SLC22A14: variants seen among roughly 807,000 people sequenced by gnomAD.
SLC22A14 encodes solute carrier family 22 member 14.
Under a neutral mutation model 53.9 loss-of-function variants are expected in SLC22A14, and 50 were observed. That is an observed-to-expected ratio of 0.93 (90% CI 0.74 to 1.17). The LOEUF (loss-of-function observed/expected upper bound fraction) is 1.17. Ranked by LOEUF, SLC22A14 falls within the 50% of genes most tolerant of loss-of-function variation. The pLI is 0.00. For missense variants in SLC22A14, 671 were observed against 734.7 expected, an observed-to-expected ratio of 0.91 and a Z score of 1.00; for synonymous variants, 312 against 303.0, an observed-to-expected ratio of 1.03 and a Z score of -0.31.
intron 10 of SLC22A14, among the ~76,000 whole-genome samples, chr3:38,317,010 G>A (rs1351672298): frequency 6.6e-6 from 1 of 152,224 alleles, no homozygotes; most frequent in Non-Finnish European, 1.5e-5. Context: ...TGGGAACTGG[G>A]TTCCACCCAA....
rs748791083 is a variant in SLC22A14, at chr3:38,313,833, C to T, written c.1270C>T (p.Arg424Trp). ...VVPSIMEVPA[R>W]LCCIFLLQQI... ...CCCCAGCATCATGGAGGTGCCTGCC[C>T]GGCTGTGCTGCATCTTTCTCCTCCA... The change falls in exon 8 of 11, where the codon CGG becomes TGG. Residue 424 changes from arginine to tryptophan, a missense_variant. By Grantham distance (101) the Arg-to-Trp change is moderately radical (BLOSUM62 -3). Coordinates refer to ENST00000448498, the MANE Select transcript of SLC22A14 (RefSeq NM_001320033.2). 2.3e-4 allele frequency: 375 copies of T among 1,613,898 alleles called. No homozygotes were observed. The highest frequency in any genetic ancestry group is 5.3e-4 in the East Asian group (24 of 44,884).
chr3:38,292,216 C>T (rs1359093423), intron 1 of SLC22A14, among the ~76,000 whole-genome samples: 1 of 152,140 alleles, frequency 6.6e-6, no homozygotes, highest in African/African-American at 2.4e-5. Context: ...TGGGCTAATG[C>T]CTGGCCAAAT....
chr3:38,287,110 C>CGT (rs142227069), intron 1 of SLC22A14, among the ~76,000 whole-genome samples: 14 of 150,272 alleles, frequency 9.3e-5, no homozygotes, highest in South Asian at 2.1e-4. Context: ...TGTGTGTGTG[C>CGT]GTGTGTGTGT....
intron 1 of SLC22A14, among the ~76,000 whole-genome samples, chr3:38,289,381 C>T (rs1703861253): frequency 6.6e-6 from 1 of 152,048 alleles, no homozygotes; most frequent in Non-Finnish European, 1.5e-5. Flanking sequence ...AGTCTGAGAT[C>T]CAATCCAGGA....
rs374879043 is a variant in SLC22A14 at position 38,313,889 on chromosome 3, G to A, written c.1326G>A (p.Val442=). 4.3e-6 allele frequency: 7 copies of A among 1,613,898 alleles called. No homozygotes were observed. Among genetic ancestry groups the A allele is most frequent in the Non-Finnish European group, 5.1e-6 (6 of 1,180,004 alleles). ...QQIGRKWSLA[V]TLLQAIIWCL... ...TTGGGAGGAAGTGGAGCCTGGCTGT[G>A]ACTCTCCTCCAAGCCATCATCTGGT... Residue 442 remains valine, a synonymous_variant, in exon 8 of 11, where the codon GTG becomes GTA. Transcript: ENST00000448498.
intron 1 of SLC22A14, among the ~76,000 whole-genome samples, chr3:38,292,084 CA>C (rs1404911407): frequency 1.3e-5 from 2 of 152,310 alleles, no homozygotes; most frequent in East Asian, 3.9e-4. Flanking sequence ...CCACAGGTGG[CA>C]AGGAAATTTA....
intron 9 of SLC22A14, 31 bp from the exon 10 acceptor site, chr3:38,316,293 C>A (rs1704615233): frequency 5.6e-6 from 9 of 1,607,778 alleles, no homozygotes; most frequent in Non-Finnish European, 7.7e-6. Context: ...CCCGGCAGAC[C>A]CCTCACAGGA....
At chr3:38,297,291 G>A (rs1021693110) in intron 1 of SLC22A14, among the ~76,000 whole-genome samples, 1 of 152,126 alleles carries the variant, frequency 6.6e-6, no homozygotes, top group Non-Finnish European at 1.5e-5. Flanking sequence ...GGGATTCTTA[G>A]TCAGCCTAGA....
intron 7 of SLC22A14, 77 bp downstream of exon 7, chr3:38,313,562 G>A: frequency 7.7e-6 from 9 of 1,169,146 alleles, no homozygotes; most frequent in African/African-American, 1.5e-5. Flanking sequence ...GATGGGAATG[G>A]TCAGGCTGCA....
chr3:38,315,565 T>TGGCCTCAGACTCAAGTGGCCACGTTGTCC lies in SLC22A14; in HGVS notation c.1391_1419dup (p.Thr474SerfsTer13). On this transcript the variant is annotated frameshift_variant, in exon 9 of 11. Coordinates refer to ENST00000448498, the MANE Select transcript of SLC22A14 (RefSeq NM_001320033.2). LOFTEE classifies it high-confidence loss of function. ...CTCCTTCACCCACCCCAGGGGAGGA[T>TGGCCTCAGACTCAAGTGGCCACGTTGTCC]GGCCTCAGACTCAAGTGGCCACGTT... 2 of 1,613,730 alleles carry TGGCCTCAGACTCAAGTGGCCACGTTGTCC rather than the reference T, an allele frequency of 1.2e-6. No individual in the cohort carries two copies. The highest frequency in any genetic ancestry group is 1.7e-6 in the Non-Finnish European group (2 of 1,179,850).
At chr3:38,296,614 T>C (rs1291559471) in intron 1 of SLC22A14, among the ~76,000 whole-genome samples, 3 of 151,638 alleles carry the variant, frequency 2.0e-5, no homozygotes, top group Non-Finnish European at 2.9e-5. Context: ...GGTGGCGGGC[T>C]GCTTCCAAGA....
chr3:38,283,345 C>G (rs1227817102), intron 1 of SLC22A14, among the ~76,000 whole-genome samples: 1 of 152,162 alleles, frequency 6.6e-6, no homozygotes, highest in African/African-American at 2.4e-5. Context: ...CCGGGGGGCG[C>G]TTATGCAGCC....
At chr3:38,292,629 G>C (rs1227695985) in intron 1 of SLC22A14, among the ~76,000 whole-genome samples, 1 of 152,080 alleles carries the variant, frequency 6.6e-6, no homozygotes, top group Non-Finnish European at 1.5e-5. Context: ...TACTGCCTTT[G>C]GTAGGGAAAG....
At chr3:38,296,593 ACTTCCAAGATGGTGGCGGGCTG>A (rs1376935383) in intron 1 of SLC22A14, among the ~76,000 whole-genome samples, 1 of 152,152 alleles carries the variant, frequency 6.6e-6, no homozygotes, top group Non-Finnish European at 1.5e-5. Flanking sequence ...GTGGCAGGCC[ACTTCCAAGATGGTGGCGGGCTG>A]CTTCCAAGAT....
chr3:38,310,340 T>G (rs1315974969), intron 5 of SLC22A14, among the ~76,000 whole-genome samples: 1 of 152,204 alleles, frequency 6.6e-6, no homozygotes, highest in Non-Finnish European at 1.5e-5. Context: ...ATTGTATTAC[T>G]GCACTCCAGC....
Position 38,308,948 on chromosome 3 carries a change from G to C in SLC22A14, c.776-6G>C. The C allele has an allele frequency of 1.2e-6, 2 of 1,613,496 alleles. No homozygotes were observed. Among genetic ancestry groups the C allele is most frequent in the South Asian group, 1.1e-5 (1 of 91,008 alleles). On this transcript the variant is annotated splice_polypyrimidine_tract_variant and splice_region_variant and intron_variant, in intron 4 of 10. Transcript: ENST00000448498. ...CCATGGTTTTGTCCTCTTGGCCTCT[G>C]CACAGCCACTGAGTGGTTAGTGGGT...
At chr3:38,303,648 G>A (rs1457433315) in intron 1 of SLC22A14, 1 of 151,804 alleles carries the variant, frequency 6.6e-6, no homozygotes, top group African/African-American at 2.4e-5. Context: ...CAATCTCAAT[G>A]ATTGTATTTA....
rs1704298211 is a variant in SLC22A14, at chr3:38,306,237, G to A, written c.211G>A (p.Ala71Thr). The A allele has an allele frequency of 3.7e-6, 6 of 1,614,028 alleles. No homozygotes were observed. The highest frequency in any genetic ancestry group is 5.1e-6 in the Non-Finnish European group (6 of 1,180,030). Residue 71 changes from alanine (A) to threonine (T), a missense_variant, in exon 2 of 11, where the codon GCC (alanine) becomes ACC (threonine). Transcript: ENST00000448498. ...EFGTFQQRLV[A>T]LTFIPSIMSA... ...TGGCACATTCCAGCAGAGGCTAGTA[G>A]CCCTCACCTTTATCCCCAGCATCAT...
intron 5 of SLC22A14, 71 bp downstream of exon 5, chr3:38,309,193 C>T (rs1171452734): frequency 7.4e-7 from 1 of 1,348,038 alleles, no homozygotes; most frequent in East Asian, 2.3e-5. Context: ...TATGGAGGGT[C>T]CTTGAAGCTG....
Sources: gnomAD v4.1 joint callset for allele counts (sites outside exome capture counted in the v4.1 genomes callset) on GRCh38, gnomAD v4.1.1 for gene constraint, MANE v1.5 for transcripts, NCBI Gene and HGNC (gene_info 2026-07-23, HGNC 2026-07-21) for gene names.